The following BMPER variants were observed in gnomAD, a reference collection of about 807,000 sequenced individuals.
BMPER encodes the protein BMP-binding endothelial regulator protein.
In BMPER, 45 loss-of-function variants were observed where a neutral mutation model predicts 87.3. The ratio of observed to expected loss-of-function variants is 0.52; its 90% CI spans 0.41 to 0.66. BMPER has a LOEUF of 0.66. Among genes scored for constraint, BMPER ranks in the 30% least tolerant of loss-of-function variants. The probability of loss-of-function intolerance (pLI) is 0.00; values close to 1 mark genes in which losing one functional copy is unlikely to be tolerated. For missense variants in BMPER, 784 were observed against 867.5 expected, an observed-to-expected ratio of 0.90 and a Z score of 1.21; for synonymous variants, 326 against 316.2, an observed-to-expected ratio of 1.03 and a Z score of -0.33.
intron 12 of BMPER, among the ~76,000 whole-genome samples, chr7:34,082,816 G>T (rs1288422480): frequency 1.3e-5 from 2 of 152,174 alleles, no homozygotes; most frequent in East Asian, 3.8e-4. Context: ...TCAACCATTT[G>T]TGGTACTTAG....
chr7:34,116,915 G>A (rs1403876978), intron 13 of BMPER, among the ~76,000 whole-genome samples: 4 of 151,982 alleles, frequency 2.6e-5, no homozygotes, highest in African/African-American at 9.7e-5. Flanking sequence ...GCTTGAACCT[G>A]GGAGACAGAT....
At chr7:34,044,629 G>A (rs1324500310) in intron 6 of BMPER, among the ~76,000 whole-genome samples, 1 of 152,178 alleles carries the variant, frequency 6.6e-6, no homozygotes, top group African/African-American at 2.4e-5. Context: ...GCAGGGTTGA[G>A]TGAGGAATCT....
rs529673048 is a variant in BMPER, at chr7:34,141,600, A to G, written c.1746-1630A>G. ...ACTCCAGCCTGGGCAACAAGAGTGA[A>G]ACACCATCTCAAAAAAAAAAAAAAA... On this transcript the variant is annotated intron_variant, in intron 13 of 14. Transcript: ENST00000649409. Among the ~76,000 whole-genome samples the G allele has an allele frequency of 5.3e-4, 74 of 139,814 alleles. 1 individual carries two copies. Among genetic ancestry groups the G allele is most frequent in the African/African-American group, 2.0e-3 (73 of 37,330 alleles). The allele number at this position is 139,814 out of a possible 152,430, so 91.7% of individuals were successfully genotyped here.
At chr7:34,035,326 A>G (rs769168899) in intron 6 of BMPER, among the ~76,000 whole-genome samples, 3 of 152,184 alleles carry the variant, frequency 2.0e-5, no homozygotes, top group Non-Finnish European at 4.4e-5. Context: ...TACCAAATAG[A>G]TATTTTGGAT....
chr7:34,015,356 T>G (rs1786991343), intron 6 of BMPER, among the ~76,000 whole-genome samples: 1 of 152,002 alleles, frequency 6.6e-6, no homozygotes, highest in Admixed American at 6.6e-5. Context: ...TTAAAAGCTC[T>G]TAGAAGAGTA....
chr7:34,109,000 A>G (rs923726946), intron 13 of BMPER, among the ~76,000 whole-genome samples: 4 of 152,218 alleles, frequency 2.6e-5, no homozygotes, highest in Admixed American at 2.0e-4. Context: ...TGATATGTGT[A>G]TATGTGTATA....
At chr7:34,049,995 A>G (rs1788105632) in intron 7 of BMPER, among the ~76,000 whole-genome samples, 1 of 152,198 alleles carries the variant, frequency 6.6e-6, no homozygotes, top group Non-Finnish European at 1.5e-5. Context: ...AATCTATGTG[A>G]TCCAGGCTGT....
At chr7:34,110,163 A>G (rs954911228) in intron 13 of BMPER, among the ~76,000 whole-genome samples, 1 of 152,124 alleles carries the variant, frequency 6.6e-6, no homozygotes, top group African/African-American at 2.4e-5. Flanking sequence ...TTGGCTGTGC[A>G]CTGTAGTTTG....
At chr7:33,909,693 A>AAAAAAAAAAAAAAAAAAG (rs10655768) in intron 2 of BMPER, among the ~76,000 whole-genome samples, 3 of 138,918 alleles carry the variant, frequency 2.2e-5, no homozygotes, top group East Asian at 2.1e-4. Context: ...AAAAAAAAAA[A>AAAAAAAAAAAAAAAAAAG]AAAGAAAGAA....
At chr7:34,057,473 C>T (rs557680526) in intron 9 of BMPER, among the ~76,000 whole-genome samples, 1 of 152,224 alleles carries the variant, frequency 6.6e-6, no homozygotes, top group South Asian at 2.1e-4. Flanking sequence ...ATATCCATGG[C>T]ACTTGGAGTC....
intron 6 of BMPER, among the ~76,000 whole-genome samples, chr7:34,037,175 T>C (rs572801881): frequency 6.6e-6 from 1 of 152,238 alleles, no homozygotes; most frequent in Admixed American, 6.5e-5. Context: ...CACTCTAGCC[T>C]GGGTGAGAGA....
At position 34,115,259 on chromosome 7, in the gene BMPER, T is replaced by C. The variant is rs530258587; in HGVS notation, c.1746-27971T>C. 4.6e-5 allele frequency among the ~76,000 whole-genome samples: 7 copies of C among 152,328 alleles called. No individual in the cohort carries two copies. In the South Asian group the frequency reaches 1.5e-3, roughly 32 times the overall value. On this transcript the variant is annotated intron_variant, in intron 13 of 14. Coordinates refer to ENST00000649409, the MANE Select transcript of BMPER (RefSeq NM_001365308.1). ...GTATTTAGAAATACAATGATTATTT[T>C]AGGAGAGAGATAACTAATCTCTTGA...
chr7:34,085,752 C>T lies in BMPER; in HGVS notation c.1409-4C>T. The T allele has an allele frequency of 1.2e-6, 2 of 1,612,272 alleles. No individual in the cohort carries two copies. Among genetic ancestry groups the T allele is most frequent in the Non-Finnish European group, 1.7e-6 (2 of 1,178,450 alleles). ...GATTTCCTTTTCCTCTCCTCCTCCT[C>T]TAGGTTTGGAAATATCTTGGGATGG... On this transcript the variant is annotated splice_region_variant and splice_polypyrimidine_tract_variant and intron_variant, in intron 12 of 14. Transcript: ENST00000649409.
chr7:34,045,340 C>CA lies in BMPER; in HGVS notation c.577-966_577-965insA, dbSNP rs559251588. 8.9e-3 allele frequency among the ~76,000 whole-genome samples: 1,349 copies of CA among 152,300 alleles called. 18 individuals are homozygous for CA. The highest frequency in any genetic ancestry group is 0.031 in the African/African-American group (1,276 of 41,556). On this transcript the variant is annotated intron_variant, in intron 6 of 14. Transcript: ENST00000649409. ...GAAAACCTTTTTATTTCTACCCCAG[C>CA]TTTCTGAATATGAAGTTACAACTTA... is the stretch of plus-strand genomic sequence containing the variant.
intron 14 of BMPER, among the ~76,000 whole-genome samples, chr7:34,145,994 T>C (rs1791006133): frequency 6.6e-6 from 1 of 152,024 alleles, no homozygotes; most frequent in Admixed American, 6.6e-5. Context: ...TGAAGTTCAG[T>C]GGGAGGGGAA....
chr7:34,009,364 A>T (rs1005510319), intron 6 of BMPER, among the ~76,000 whole-genome samples: 9 of 151,936 alleles, frequency 5.9e-5, no homozygotes, highest in Non-Finnish European at 1.3e-4. Context: ...TAACCTTCAT[A>T]AACCTACTCA....
At chr7:34,001,851 T>C (rs888059669) in intron 6 of BMPER, among the ~76,000 whole-genome samples, 1 of 151,718 alleles carries the variant, frequency 6.6e-6, no homozygotes, top group African/African-American at 2.4e-5. Flanking sequence ...TTTGGTTATA[T>C]CCCATAAGTG....
intron 2 of BMPER, among the ~76,000 whole-genome samples, chr7:33,913,050 T>C (rs1393763195): frequency 6.6e-6 from 1 of 152,174 alleles, no homozygotes; most frequent in Non-Finnish European, 1.5e-5. Context: ...CGAACACATA[T>C]ATAAATAAGA....
At chr7:33,953,254 C>T (rs1009938245) in intron 3 of BMPER, among the ~76,000 whole-genome samples, 1 of 152,238 alleles carries the variant, frequency 6.6e-6, no homozygotes, top group African/African-American at 2.4e-5. Flanking sequence ...AGGCAAAAGC[C>T]TGGCCTGGTT....
Sources: gnomAD v4.1 joint callset for allele counts (sites outside exome capture counted in the v4.1 genomes callset) on GRCh38, gnomAD v4.1.1 for gene constraint, MANE v1.5 for transcripts, NCBI Gene and HGNC (gene_info 2026-07-23, HGNC 2026-07-21) for gene names.